The following TUSC3 variants were observed in gnomAD, a reference collection of about 807,000 sequenced individuals.
TUSC3 encodes tumor suppressor candidate 3.
TUSC3 carries 45 observed loss-of-function variants against 44.8 expected under a neutral mutation model. The ratio of observed to expected loss-of-function variants is 1.00; its 90% CI spans 0.79 to 1.29. The LOEUF (loss-of-function observed/expected upper bound fraction) is 1.29, where lower values mean the gene tolerates loss of function less well. TUSC3 is among the 50% of genes most tolerant of loss of function. The pLI, the probability that TUSC3 is intolerant of heterozygous loss-of-function variation, is 0.00. For synonymous variants in TUSC3, 212 were observed against 152.9 expected, an observed-to-expected ratio of 1.39 and a Z score of -2.85; for missense variants, 519 against 437.9, an observed-to-expected ratio of 1.19 and a Z score of -1.65.
chr8:15,438,835 T>C (rs1799984573), intron 1 of TUSC3, among the ~76,000 whole-genome samples: 1 of 152,180 alleles, frequency 6.6e-6, no homozygotes, highest in Non-Finnish European at 1.5e-5. Context: ...TCAAAGATGA[T>C]GAGTGAATAT....
chr8:15,564,434 A>G (rs1399789197), intron 1 of TUSC3, among the ~76,000 whole-genome samples: 2 of 152,180 alleles, frequency 1.3e-5, no homozygotes, highest in Non-Finnish European at 2.9e-5. Flanking sequence ...ACCGTATATT[A>G]TTACTGAATA....
chr8:15,752,958 G>C (rs898840193), intron 9 of TUSC3, among the ~76,000 whole-genome samples: 1 of 151,830 alleles, frequency 6.6e-6, no homozygotes, highest in African/African-American at 2.4e-5. Flanking sequence ...CTTGAACTTG[G>C]TACAAATATA....
intron 6 of TUSC3, among the ~76,000 whole-genome samples, chr8:15,683,155 G>A (rs1055087096): frequency 2.0e-5 from 3 of 152,112 alleles, no homozygotes; most frequent in Admixed American, 1.3e-4. Context: ...GTAGTTTCTT[G>A]CAGGGAATCT....
At chr8:15,713,995 T>G (rs1022693308) in intron 6 of TUSC3, among the ~76,000 whole-genome samples, 3 of 152,168 alleles carry the variant, frequency 2.0e-5, no homozygotes, top group Non-Finnish European at 4.4e-5. Flanking sequence ...GCTTACTGAT[T>G]AAGTTTTATT....
upstream of TUSC3, among the ~76,000 whole-genome samples, chr8:15,539,345 C>CTTTTTTTTTTTTTTTTT (rs35685582): frequency 1.4e-5 from 1 of 69,404 alleles, no homozygotes; most frequent in East Asian, 5.0e-4. Context: ...TGCTATGGTT[C>CTTTTTTTTTTTTTTTTT]TTTTTTTTTT....
At chr8:15,573,234 G>GTTT (rs1309149697) in intron 1 of TUSC3, among the ~76,000 whole-genome samples, 2 of 68,626 alleles carry the variant, frequency 2.9e-5, no homozygotes, top group Non-Finnish European at 6.3e-5. Flanking sequence ...ATATATAAAA[G>GTTT]TTTTTTTTTT....
chr8:15,607,314 C>G (rs1182754083), intron 1 of TUSC3, among the ~76,000 whole-genome samples: 2 of 152,044 alleles, frequency 1.3e-5, no homozygotes, highest in Non-Finnish European at 2.9e-5. Flanking sequence ...AGAGACAGTT[C>G]TAGGCTCTCA....
intron 10 of TUSC3, among the ~76,000 whole-genome samples, 164 bp from the exon 11 acceptor site, chr8:15,764,039 C>T (rs1279942064): frequency 6.6e-6 from 1 of 152,010 alleles, no homozygotes; most frequent in African/African-American, 2.4e-5. Context: ...GTTAAAGGCA[C>T]TAGTTTAGAA....
At chr8:15,456,778 G>A (rs1800262278) in intron 1 of TUSC3, among the ~76,000 whole-genome samples, 1 of 151,974 alleles carries the variant, frequency 6.6e-6, no homozygotes, top group African/African-American at 2.4e-5. Flanking sequence ...AAACAGAGAA[G>A]GAGAAGAGGA....
At chr8:15,422,105 T>G (rs922529104) in intron 1 of TUSC3, among the ~76,000 whole-genome samples, 23 of 152,308 alleles carry the variant, frequency 1.5e-4, no homozygotes, top group African/African-American at 5.3e-4. Context: ...ACCCCCACTC[T>G]GCCCAAAATA....
the TUSC3 span, among the ~76,000 whole-genome samples, chr8:15,773,604 G>T: frequency 6.6e-6 from 1 of 152,100 alleles, no homozygotes; most frequent in Non-Finnish European, 1.5e-5. Context: ...ATATGAAAAT[G>T]CATGGGGTCC....
chr8:15,693,628 A>G (rs1319690483), intron 6 of TUSC3, among the ~76,000 whole-genome samples: 2 of 150,786 alleles, frequency 1.3e-5, no homozygotes, highest in Non-Finnish European at 2.9e-5. Context: ...GTGTCTTGGG[A>G]TGGTCATCTT....
intron 1 of TUSC3, among the ~76,000 whole-genome samples, chr8:15,599,272 G>C (rs1165013587): frequency 1.3e-5 from 2 of 151,676 alleles, no homozygotes; most frequent in Non-Finnish European, 3.0e-5. Flanking sequence ...TTTTAAAATT[G>C]GGTTGTTTTG....
At chr8:15,621,540 T>C (rs1225791510) in intron 1 of TUSC3, among the ~76,000 whole-genome samples, 1 of 147,694 alleles carries the variant, frequency 6.8e-6, no homozygotes, top group East Asian at 1.9e-4. Flanking sequence ...ATATATAAAG[T>C]ATATTTCCAA....
chr8:15,615,276 T>A (rs1585155656), intron 1 of TUSC3, among the ~76,000 whole-genome samples: 1 of 152,242 alleles, frequency 6.6e-6, no homozygotes, highest in Non-Finnish European at 1.5e-5. Flanking sequence ...GTTATTCAGC[T>A]GTAAGAAGAA....
At chr8:15,605,895 G>A (rs1363048286) in intron 1 of TUSC3, among the ~76,000 whole-genome samples, 1 of 151,990 alleles carries the variant, frequency 6.6e-6, no homozygotes, top group Non-Finnish European at 1.5e-5. Context: ...TGCTATTAGG[G>A]TGAGCTTAAG....
chr8:15,579,243 T>C (rs1208627241), intron 1 of TUSC3, among the ~76,000 whole-genome samples: 4 of 142,804 alleles, frequency 2.8e-5, no homozygotes, highest in East Asian at 2.1e-4. Flanking sequence ...GTCTATCAAT[T>C]TTGTTGATCC....
At chr8:15,638,551 T>A (rs577804968) in intron 2 of TUSC3, among the ~76,000 whole-genome samples, 6 of 123,340 alleles carry the variant, frequency 4.9e-5, no homozygotes, top group African/African-American at 1.6e-4. Context: ...GAGACAAGAG[T>A]CTCACTCTGT....
chr8:15,700,912 A>G (rs1443791897), intron 6 of TUSC3, among the ~76,000 whole-genome samples: 1 of 131,000 alleles, frequency 7.6e-6, no homozygotes, highest in Non-Finnish European at 1.5e-5. Flanking sequence ...CTCCAGTATC[A>G]TCCAGTCCAG....
Sources: allele counts gnomAD v4.1 joint callset (sites outside exome capture counted in the v4.1 genomes callset), GRCh38; gene constraint gnomAD v4.1.1; transcripts MANE v1.5; gene names NCBI Gene and HGNC (gene_info 2026-07-23, HGNC 2026-07-21).